EDEM3: variants seen among roughly 807,000 people sequenced by gnomAD.
The protein encoded by EDEM3 is ER degradation-enhancing alpha-mannosidase-like protein 3.
A neutral mutation model predicts 110.2 loss-of-function variants in EDEM3; 60 were observed. The ratio of observed to expected loss-of-function variants is 0.54; its 90% CI spans 0.44 to 0.67. The LOEUF (loss-of-function observed/expected upper bound fraction) is 0.67, where lower values mean the gene tolerates loss of function less well. EDEM3 is among the 30% of genes least tolerant of loss of function. EDEM3 has a pLI of 0.00. For missense variants in EDEM3, 996 were observed against 1,121.0 expected (o/e 0.89, Z 1.59); for synonymous variants, 352 against 382.9 (o/e 0.92, Z 0.94).
In EDEM3 at chr1:184,710,252, C is replaced by G. The variant is rs908783988; in HGVS notation, c.1845+142G>C. On this transcript the variant is annotated intron_variant, in intron 16 of 19. Coordinates refer to ENST00000318130, the MANE Select transcript of EDEM3 (RefSeq NM_025191.4). ...ATTAGGTGACTTTCCAAGATACTTCCAAGTCCTAAAATTCTCATTCTCTCA... is the reference window on the plus strand; with the variant it reads ...ATTAGGTGACTTTCCAAGATACTTCGAAGTCCTAAAATTCTCATTCTCTCA... The G allele has an allele frequency of 2.0e-4, 191 of 975,992 alleles. 1 individual carries two copies. Among genetic ancestry groups the G allele is most frequent in the Non-Finnish European group, 3.6e-5 (25 of 702,350 alleles). The allele number at this position is 975,992 out of a possible 1,614,324, so 60.5% of individuals were successfully genotyped here.
In EDEM3 at chr1:184,710,418, G is replaced by A; in HGVS notation, c.1821C>T (p.Val607=). ...CTTGGATTGCATGTTGGACCAACTG[G>A]ACTCTCCCATCTTTGAGGTGAATCA... ...VSLIHLKDGR[V]QLVQHAIQAA... is the part of the protein sequence containing the mutation. The change falls in exon 16 of 20, where the codon GTC becomes GTT. Residue 607 remains valine (V), a synonymous_variant. Transcript: ENST00000318130. The A allele has an allele frequency of 6.2e-7, 1 of 1,613,880 alleles. No homozygotes were observed. Among genetic ancestry groups the A allele is most frequent in the Non-Finnish European group, 8.5e-7 (1 of 1,179,874 alleles).
rs1025127421 is a variant in EDEM3 at position 184,739,660 on chromosome 1, G to A, written c.205-1949C>T. Among the ~76,000 whole-genome samples the A allele has an allele frequency of 4.1e-4, 62 of 152,052 alleles. 1 individual carries two copies. The highest frequency in any genetic ancestry group is 1.8e-3 in the Admixed American group (27 of 15,256). ...TTATTAATAGGTACTTTATAGTTTG[G>A]ATTACTGGGATTTTTGTTATTTTAA... is the stretch of plus-strand genomic sequence containing the variant. On this transcript the variant is annotated intron_variant, in intron 2 of 19. Coordinates refer to ENST00000318130, the MANE Select transcript of EDEM3 (RefSeq NM_025191.4).
At chr1:184,695,061 T>A (rs1263173347) in intron 19 of EDEM3, among the ~76,000 whole-genome samples, 2 of 152,080 alleles carry the variant, frequency 1.3e-5, no homozygotes, top group African/African-American at 4.8e-5. Flanking sequence ...ATTTTAGGCC[T>A]ATGAATTATA....
chr1:184,746,983 G>A (rs745622325), intron 2 of EDEM3, among the ~76,000 whole-genome samples: 3 of 148,774 alleles, frequency 2.0e-5, no homozygotes, highest in Non-Finnish European at 4.4e-5. Flanking sequence ...TTATTTCTTT[G>A]CATTTAAACA....
At chr1:184,706,511 C>A in intron 18 of EDEM3, 132 bp downstream of exon 18, 1 of 674,384 alleles carries the variant, frequency 1.5e-6, no homozygotes, top group Non-Finnish European at 2.3e-6. Flanking sequence ...ATTGGATTAC[C>A]TATCCTTGTT....
chr1:184,714,727 C>T (rs1348774871), intron 13 of EDEM3, among the ~76,000 whole-genome samples: 1 of 152,136 alleles, frequency 6.6e-6, no homozygotes, highest in African/African-American at 2.4e-5. Context: ...GATTCAACCT[C>T]TAGACCAAAA....
rs533641553 is a variant in EDEM3 at position 184,706,880 on chromosome 1, C to A, written c.2038-72G>T. On this transcript the variant is annotated intron_variant, in intron 17 of 19. Transcript: ENST00000318130. ...CAATCAAGTCATTAAACCTCAATAT[C>A]TAGAGTTTTAAAAGAACTAGAACTC... The A allele has an allele frequency of 4.9e-4, 725 of 1,465,636 alleles. 2 individuals are homozygous for A. The highest frequency in any genetic ancestry group is 7.8e-4 in the Admixed American group (38 of 48,414). The allele number at this position is 1,465,636 out of a possible 1,614,324, so 90.8% of individuals were successfully genotyped here.
intron 6 of EDEM3, among the ~76,000 whole-genome samples, chr1:184,732,045 G>A (rs1177855632): frequency 1.3e-5 from 2 of 152,008 alleles, no homozygotes; most frequent in African/African-American, 4.8e-5. Context: ...TCGTGGTAGT[G>A]GGTGCCTGTA....
chr1:184,743,060 A>C (rs1408475813), intron 2 of EDEM3, among the ~76,000 whole-genome samples: 1 of 152,200 alleles, frequency 6.6e-6, no homozygotes, highest in Non-Finnish European at 1.5e-5. Flanking sequence ...TCAAATCCTG[A>C]AATTAATCTA....
intron 16 of EDEM3, among the ~76,000 whole-genome samples, chr1:184,709,295 T>C (rs905429241): frequency 6.6e-6 from 1 of 152,116 alleles, no homozygotes; most frequent in Non-Finnish European, 1.5e-5. Flanking sequence ...TAATAGTAAA[T>C]TTAGGAATCA....
chr1:184,734,806 A>G (rs1651732359), intron 4 of EDEM3, among the ~76,000 whole-genome samples, 163 bp from the exon 5 acceptor site: 1 of 152,176 alleles, frequency 6.6e-6, no homozygotes, highest in African/African-American at 2.4e-5. Context: ...GTCTAAAACT[A>G]AAAAAATTAA....
At chr1:184,716,805 C>T in intron 13 of EDEM3, 83 bp downstream of exon 13, 3 of 1,545,604 alleles carry the variant, frequency 1.9e-6, no homozygotes, top group South Asian at 1.2e-5. Context: ...AAGAATTAAA[C>T]TTATTTGAAT....
chr1:184,715,141 G>A (rs181083292), intron 13 of EDEM3, among the ~76,000 whole-genome samples: 2 of 150,980 alleles, frequency 1.3e-5, no homozygotes, highest in East Asian at 4.1e-4. Flanking sequence ...ATGGTGCTGT[G>A]TGCCAGACAC....
intron 11 of EDEM3, 74 bp from the exon 12 acceptor site, chr1:184,717,697 T>C (rs192213222): frequency 1.6e-5 from 17 of 1,080,770 alleles, no homozygotes; most frequent in African/African-American, 1.5e-4. Context: ...ATATAGAATA[T>C]ATATAAATAG....
At chr1:184,751,595 C>T (rs900973518) in intron 1 of EDEM3, among the ~76,000 whole-genome samples, 11 of 152,068 alleles carry the variant, frequency 7.2e-5, no homozygotes, top group Admixed American at 1.3e-4. Flanking sequence ...AGAAGCCTAA[C>T]AAAGTCACAT....
intron 13 of EDEM3, among the ~76,000 whole-genome samples, chr1:184,715,228 A>G (rs1228519460): frequency 1.3e-5 from 2 of 152,220 alleles, no homozygotes; most frequent in South Asian, 2.1e-4. Flanking sequence ...GAATGGGGCA[A>G]TGTCAGTGGT....
chr1:184,741,915 G>T (rs1652164835), intron 2 of EDEM3, among the ~76,000 whole-genome samples: 1 of 152,074 alleles, frequency 6.6e-6, no homozygotes, highest in South Asian at 2.1e-4. Context: ...GCTGGGTGTT[G>T]CTATGGCAAA....
At chr1:184,718,832 A>G (rs979370420) in intron 11 of EDEM3, among the ~76,000 whole-genome samples, 6 of 152,154 alleles carry the variant, frequency 3.9e-5, no homozygotes, top group African/African-American at 1.4e-4. Context: ...TGGTAGGTAC[A>G]TACAAGAGTT....
chr1:184,737,170 T>C, intron 3 of EDEM3, 106 bp from the exon 4 acceptor site: 1 of 947,826 alleles, frequency 1.1e-6, no homozygotes, highest in Non-Finnish European at 1.7e-6. Flanking sequence ...TTCTATAAAT[T>C]AGTACTTCCA....
Sources: gnomAD v4.1 joint callset for allele counts (sites outside exome capture counted in the v4.1 genomes callset) on GRCh38, gnomAD v4.1.1 for gene constraint, MANE v1.5 for transcripts, NCBI Gene and HGNC (gene_info 2026-07-23, HGNC 2026-07-21) for gene names.